ABCD3: variants seen among roughly 807,000 people sequenced by gnomAD.
ABCD3 encodes the protein ATP binding cassette subfamily D member 3.
ABCD3 carries 41 observed loss-of-function variants against 105.5 expected under a neutral mutation model. That is an observed-to-expected ratio of 0.39 (90% CI 0.30 to 0.50). ABCD3 has a LOEUF of 0.50. Among genes scored for constraint, ABCD3 ranks in the 20% least tolerant of loss-of-function variants. ABCD3 has a pLI of 0.84. For synonymous variants in ABCD3, 258 were observed against 269.0 expected (o/e 0.96, Z 0.40); for missense variants, 622 against 806.3 (o/e 0.77, Z 2.77).
chr1:94,390,772 T>G, the ABCD3 span, among the ~76,000 whole-genome samples: 1,296 of 152,304 alleles, frequency 8.5e-3, 20 homozygotes, highest in African/African-American at 0.03. Context: ...GTTCTGCCAG[T>G]TAGTAACTAT....
chr1:94,393,742 T>G, the ABCD3 span, among the ~76,000 whole-genome samples: 11 of 152,206 alleles, frequency 7.2e-5, no homozygotes, highest in Non-Finnish European at 2.9e-5. Flanking sequence ...AAGAATAATT[T>G]AAGTTTCAGA....
chr1:94,386,784 G>C, the ABCD3 span, among the ~76,000 whole-genome samples: 6 of 152,206 alleles, frequency 3.9e-5, no homozygotes, highest in African/African-American at 1.4e-4. Context: ...GAACCCAAGA[G>C]GCGGAGGTTG....
chr1:94,457,256 G>T (rs1015741116), intron 1 of ABCD3, among the ~76,000 whole-genome samples: 2 of 152,074 alleles, frequency 1.3e-5, no homozygotes, highest in Non-Finnish European at 2.9e-5. Context: ...ATTCATAAAA[G>T]ATTTTAAACA....
Position 94,498,647 on chromosome 1 carries a change from G to A in ABCD3, c.1432G>A (p.Gly478Arg), listed in dbSNP as rs866910928. Residue 478 changes from glycine to arginine, a missense_variant, in exon 17 of 23, where the codon GGA (glycine) becomes AGA (arginine). Coordinates refer to ENST00000370214, the MANE Select transcript of ABCD3 (RefSeq NM_002858.4). ...NVLICGPNGC[G>R]KSSLFRVLGE... ...TCTAATTTGTGGTCCAAATGGCTGC[G>A]GAAAGAGTTCACTTTTCCGTGTTCT... The A allele has an allele frequency of 6.2e-7, 1 of 1,612,938 alleles. No individual in the cohort carries two copies. Among genetic ancestry groups the A allele is most frequent in the Non-Finnish European group, 8.5e-7 (1 of 1,179,826 alleles).
At chr1:94,495,245 TAGAA>T (rs906636565) in intron 16 of ABCD3, among the ~76,000 whole-genome samples, 3 of 152,188 alleles carry the variant, frequency 2.0e-5, no homozygotes, top group Non-Finnish European at 4.4e-5. Context: ...GATAAATTTA[TAGAA>T]AGTAGGATTT....
At chr1:94,494,574 T>G (rs1295452565) in intron 16 of ABCD3, among the ~76,000 whole-genome samples, 1 of 152,234 alleles carries the variant, frequency 6.6e-6, no homozygotes, top group Non-Finnish European at 1.5e-5. Flanking sequence ...AAAGATTTCT[T>G]TCTCTTGGAA....
chr1:94,404,295 A>C, the ABCD3 span, among the ~76,000 whole-genome samples: 1 of 152,206 alleles, frequency 6.6e-6, no homozygotes, highest in Admixed American at 6.5e-5. Flanking sequence ...CAAGTCTACT[A>C]TAATGAGTTC....
intron 6 of ABCD3, 56 bp downstream of exon 6, chr1:94,475,296 A>C (rs1648684297): frequency 8.3e-7 from 1 of 1,200,364 alleles, no homozygotes; most frequent in African/African-American, 1.5e-5. Flanking sequence ...GTATTTATGA[A>C]GCTGATCAAT....
rs1205345087 is a variant in ABCD3, at chr1:94,418,498, A to G, written c.20A>G (p.Tyr7Cys). MAAFSKYLTARNSSLAG... is the reference protein window; with the variant it reads MAAFSKCLTARNSSLAG... Reference sequence around the variant, plus strand: ...AGTGCCATGGCGGCCTTCAGCAAGTACTTGACGGCGCGAAACTCCTCGCTG... The same window carrying G: ...AGTGCCATGGCGGCCTTCAGCAAGTGCTTGACGGCGCGAAACTCCTCGCTG... Residue 7 changes from tyrosine (Y) to cysteine (C), a missense_variant, in exon 1 of 23, where the codon TAC becomes TGC. Coordinates refer to ENST00000370214, the MANE Select transcript of ABCD3 (RefSeq NM_002858.4). 1 of 1,604,336 alleles carries G rather than the reference A, an allele frequency of 6.2e-7. No individual in the cohort carries two copies. The highest frequency in any genetic ancestry group is 2.2e-5 in the East Asian group (1 of 44,706).
At chr1:94,470,374 TA>T (rs1471837075) in intron 4 of ABCD3, among the ~76,000 whole-genome samples, 1 of 152,206 alleles carries the variant, frequency 6.6e-6, no homozygotes, top group East Asian at 1.9e-4. Context: ...CTGATTCAAT[TA>T]ATCAAACCTT....
intron 1 of ABCD3, among the ~76,000 whole-genome samples, chr1:94,450,962 C>T (rs1647222947): frequency 6.6e-6 from 1 of 152,180 alleles, no homozygotes; most frequent in Non-Finnish European, 1.5e-5. Context: ...TGACTTTTCT[C>T]CTAATTTATG....
chr1:94,516,904 A>G (rs776469998), intron 22 of ABCD3, 148 bp from the exon 23 acceptor site: 1 of 683,024 alleles, frequency 1.5e-6, no homozygotes, highest in Non-Finnish European at 2.7e-6. Flanking sequence ...ATCCTTGGTC[A>G]TGGAGTTACG....
At chr1:94,471,867 A>T (rs1648473474) in intron 4 of ABCD3, among the ~76,000 whole-genome samples, 1 of 152,142 alleles carries the variant, frequency 6.6e-6, no homozygotes, top group Admixed American at 6.6e-5. Flanking sequence ...TCATTTTAAT[A>T]TCCTTTTCAT....
chr1:94,436,161 C>T (rs1252110310), intron 1 of ABCD3, among the ~76,000 whole-genome samples: 2 of 152,166 alleles, frequency 1.3e-5, no homozygotes, highest in Non-Finnish European at 2.9e-5. Flanking sequence ...ACTAGGTTGG[C>T]AGTTGTTTCT....
chr1:94,468,817 T>C (rs1450038734), intron 4 of ABCD3, among the ~76,000 whole-genome samples: 2 of 152,138 alleles, frequency 1.3e-5, no homozygotes, highest in Non-Finnish European at 2.9e-5. Flanking sequence ...TAAAGATTTG[T>C]AGGAAGAGGA....
At chr1:94,438,894 T>C (rs550444237) in intron 1 of ABCD3, among the ~76,000 whole-genome samples, 1 of 152,378 alleles carries the variant, frequency 6.6e-6, no homozygotes, top group Admixed American at 6.5e-5. Context: ...CTTTATTGCC[T>C]GTTAGCTTTA....
upstream of ABCD3, among the ~76,000 whole-genome samples, chr1:94,417,519 T>C (rs1033408881): frequency 2.0e-5 from 3 of 152,230 alleles, no homozygotes; most frequent in African/African-American, 7.2e-5. Flanking sequence ...AGGAGAAGAA[T>C]GTTGTAATCT....
At chr1:94,502,912 T>C (rs776892058) in intron 20 of ABCD3, among the ~76,000 whole-genome samples, 14 of 152,212 alleles carry the variant, frequency 9.2e-5, no homozygotes, top group Non-Finnish European at 2.9e-5. Context: ...GCAGTATGGC[T>C]GCAGTGTGCA....
intron 1 of ABCD3, among the ~76,000 whole-genome samples, chr1:94,440,343 C>T (rs931577170): frequency 6.6e-6 from 1 of 152,224 alleles, no homozygotes; most frequent in Admixed American, 6.5e-5. Context: ...TGTTTACTAT[C>T]TGAGATCTCT....
Sources: gnomAD v4.1 joint callset for allele counts (sites outside exome capture counted in the v4.1 genomes callset) on GRCh38, gnomAD v4.1.1 for gene constraint, MANE v1.5 for transcripts, NCBI Gene and HGNC (gene_info 2026-07-23, HGNC 2026-07-21) for gene names.